SGTB: variants seen among roughly 807,000 people sequenced by gnomAD.
The protein encoded by SGTB is small glutamine-rich tetratricopeptide repeat-containing protein beta.
SGTB carries 19 observed loss-of-function variants against 43.9 expected under a neutral mutation model. The observed-to-expected ratio is 0.43, with a 90% CI of 0.30 to 0.63. SGTB has a LOEUF of 0.63. Among genes scored for constraint, SGTB ranks in the 30% least tolerant of loss-of-function variants. SGTB has a pLI of 0.12. For missense variants in SGTB, 304 were observed against 358.9 expected (o/e 0.85, Z 1.24); for synonymous variants, 116 against 117.3 (o/e 0.99, Z 0.07).
At chr5:65,680,168 T>C (rs1281560771) in intron 8 of SGTB, among the ~76,000 whole-genome samples, 2 of 152,032 alleles carry the variant, frequency 1.3e-5, no homozygotes, top group Non-Finnish European at 2.9e-5. Context: ...CTGGGGCCTG[T>C]TGGAGGGCAG....
At position 65,680,487 on chromosome 5, in the gene SGTB, T is replaced by A; in HGVS notation, c.681+7A>T. On this transcript the variant is annotated splice_region_variant and intron_variant, in intron 8 of 10. Transcript: ENST00000381007. ...GCCAGTAGAGGCAGAAAAGAAAGTA[T>A]ACTCACCATACTAATGAAGGCTGGA... 1 of 1,611,024 alleles carries A rather than the reference T, an allele frequency of 6.2e-7. No individual in the cohort carries two copies. The highest frequency in any genetic ancestry group is 8.5e-7 in the Non-Finnish European group (1 of 1,179,922).
intron 5 of SGTB, among the ~76,000 whole-genome samples, chr5:65,695,129 T>A (rs1324386540): frequency 6.6e-6 from 1 of 151,998 alleles, no homozygotes; most frequent in Non-Finnish European, 1.5e-5. Context: ...GGAAAGCCAT[T>A]TTGATGTCCC....
chr5:65,668,658 T>C lies in SGTB; in HGVS notation c.*1588A>G. ...CAGGAGGCTGAGGCAGGAGAATCAC[T>C]TGAACCCGGGAGGCAGAGGTTGCAG... On this transcript the variant is annotated 3_prime_UTR_variant, in exon 11 of 11. Coordinates refer to ENST00000381007, the MANE Select transcript of SGTB (RefSeq NM_019072.3). The C allele has an allele frequency of 6.6e-6, 1 of 151,970 alleles. No homozygotes were observed. The highest frequency in any genetic ancestry group is 1.5e-5 in the Non-Finnish European group (1 of 68,050). The allele number at this position is 151,970 out of a possible 1,614,324, so 9.4% of individuals were successfully genotyped here.
chr5:65,699,774 A>G (rs1757778786), intron 5 of SGTB, among the ~76,000 whole-genome samples: 1 of 152,228 alleles, frequency 6.6e-6, no homozygotes, highest in Non-Finnish European at 1.5e-5. Flanking sequence ...TTATTGATAT[A>G]AGATATGGTA....
chr5:65,696,704 C>T (rs1436136298), intron 5 of SGTB, among the ~76,000 whole-genome samples: 1 of 152,170 alleles, frequency 6.6e-6, no homozygotes, highest in Non-Finnish European at 1.5e-5. Context: ...ATATGACAAA[C>T]CTACATAAAT....
Position 65,700,613 on chromosome 5 carries a change from G to A in SGTB, c.374+3666C>T, listed in dbSNP as rs1398939666. On this transcript the variant is annotated intron_variant, in intron 5 of 10. Transcript: ENST00000381007. ...GGAGAATGGCGTGAACCCGGGAGGC[G>A]GAGCTTGCAGTGAGCCAAGATCGCG... Among the ~76,000 whole-genome samples, 6 of 150,510 alleles carry A rather than the reference G, an allele frequency of 4.0e-5. No individual in the cohort carries two copies. The East Asian group carries it at 5.9e-4, about 15-fold the overall frequency.
chr5:65,671,083 T>G (rs1035790487), intron 10 of SGTB, among the ~76,000 whole-genome samples: 6 of 152,240 alleles, frequency 3.9e-5, no homozygotes, highest in African/African-American at 1.4e-4. Context: ...CTGAATTGCC[T>G]GAACATTAAA....
At chr5:65,703,109 T>G (rs995999923) in intron 5 of SGTB, among the ~76,000 whole-genome samples, 5 of 152,186 alleles carry the variant, frequency 3.3e-5, no homozygotes, top group African/African-American at 9.7e-5. Flanking sequence ...ATGAAAAATA[T>G]TTTAGAAACA....
In SGTB at chr5:65,684,783, C is replaced by A. The variant is rs190192202; in HGVS notation, c.479+585G>T. On this transcript the variant is annotated intron_variant, in intron 6 of 10. Transcript: ENST00000381007. ...GGGCAGGCTGGTCTTAAACTCCTGA[C>A]CTCAAGTGATCTGCCCACCTTGGCC... is the stretch of plus-strand genomic sequence containing the variant. Among the ~76,000 whole-genome samples the A allele has an allele frequency of 3.4e-3, 519 of 152,020 alleles. 3 individuals carry two copies. Among genetic ancestry groups the A allele is most frequent in the African/African-American group, 0.011 (476 of 41,472 alleles).
chr5:65,707,395 T>TACACACACACACAC (rs35011866), intron 4 of SGTB, among the ~76,000 whole-genome samples: 11 of 133,690 alleles, frequency 8.2e-5, no homozygotes, highest in African/African-American at 2.8e-4. Context: ...GCTGATTTTA[T>TACACACACACACAC]ACACACACAC....
intron 2 of SGTB, among the ~76,000 whole-genome samples, chr5:65,720,119 T>C (rs2150726724): frequency 6.7e-6 from 1 of 149,104 alleles, no homozygotes; most frequent in South Asian, 2.1e-4. Context: ...GTCTCGCTCA[T>C]GGCCCAGGCT....
chr5:65,680,709 A>G lies in SGTB; in HGVS notation c.565T>C (p.Tyr189His). ...TCTGCTATTTTCAGATTTGACTTAT[A>G]GGAATCATTTTCAGGGTCAAGATCT... is the stretch of plus-strand genomic sequence containing the variant. ...ALDLDPENDS[Y>H]KSNLKIAEQK... The change falls in exon 7 of 11, where the codon TAT (tyrosine) becomes CAT (histidine). Residue 189 changes from tyrosine (Y) to histidine (H), a missense_variant. Transcript: ENST00000381007. The G allele has an allele frequency of 6.2e-7, 1 of 1,614,118 alleles. No homozygotes were observed. Among genetic ancestry groups the G allele is most frequent in the Non-Finnish European group, 8.5e-7 (1 of 1,180,008 alleles).
chr5:65,676,599 A>G (rs1221144934), intron 8 of SGTB, among the ~76,000 whole-genome samples: 3 of 151,964 alleles, frequency 2.0e-5, no homozygotes, highest in Non-Finnish European at 2.9e-5. Flanking sequence ...TATCTACAGA[A>G]CTCTCCACCC....
intron 8 of SGTB, among the ~76,000 whole-genome samples, chr5:65,673,501 G>A (rs1163719090): frequency 6.6e-6 from 1 of 152,104 alleles, no homozygotes; most frequent in East Asian, 1.9e-4. Flanking sequence ...TGTGAACTGC[G>A]CATGTGAAGG....
At chr5:65,708,388 T>C (rs1255803907) in intron 4 of SGTB, 101 bp downstream of exon 4, 22 of 975,464 alleles carry the variant, frequency 2.3e-5, no homozygotes, top group South Asian at 1.3e-4. Context: ...CTTATGACAA[T>C]CTAGTCTTGG....
chr5:65,688,056 A>G (rs1757532896), intron 5 of SGTB, among the ~76,000 whole-genome samples: 1 of 152,222 alleles, frequency 6.6e-6, no homozygotes, highest in South Asian at 2.1e-4. Context: ...GGTGTGAGCC[A>G]CTGCACCTGG....
chr5:65,716,036 C>T (rs540898356), intron 2 of SGTB, among the ~76,000 whole-genome samples: 1 of 152,222 alleles, frequency 6.6e-6, no homozygotes, highest in South Asian at 2.1e-4. Flanking sequence ...TCCCGAAGTA[C>T]TGGGATTACA....
chr5:65,700,026 T>C (rs1419316420), intron 5 of SGTB, among the ~76,000 whole-genome samples: 2 of 152,170 alleles, frequency 1.3e-5, no homozygotes, highest in African/African-American at 2.4e-5. Context: ...TACGATTGAG[T>C]TATATGATAG....
intron 8 of SGTB, among the ~76,000 whole-genome samples, chr5:65,678,291 C>G (rs1385466543): frequency 2.0e-5 from 3 of 151,894 alleles, no homozygotes; most frequent in Non-Finnish European, 2.9e-5. Context: ...AGCTAACAGG[C>G]AAAGTGAAGG....
Sources: gnomAD v4.1 joint callset for allele counts (sites outside exome capture counted in the v4.1 genomes callset) on GRCh38, gnomAD v4.1.1 for gene constraint, MANE v1.5 for transcripts, NCBI Gene and HGNC (gene_info 2026-07-23, HGNC 2026-07-21) for gene names.